The following TRIM22 variants were observed in gnomAD, a reference collection of about 807,000 sequenced individuals.
TRIM22 encodes the protein E3 ubiquitin-protein ligase TRIM22.
In TRIM22, 45 loss-of-function variants were observed where a neutral mutation model predicts 53.6. That is an observed-to-expected ratio of 0.84 (90% confidence interval 0.66 to 1.08). TRIM22 has a LOEUF of 1.08. Among genes scored for constraint, TRIM22 ranks in the 50% least tolerant of loss-of-function variants. TRIM22 has a pLI of 0.00. For missense variants in TRIM22, 616 were observed against 590.9 expected (o/e 1.04, Z -0.44); for synonymous variants, 225 against 216.6 (o/e 1.04, Z -0.34).
intron 2 of TRIM22, 172 bp from the exon 3 acceptor site, chr11:5,697,076 A>C (rs879459775): frequency 3.5e-6 from 2 of 571,970 alleles, no homozygotes; most frequent in African/African-American, 1.9e-5. Context: ...CCAGGAATAA[A>C]GAATACATTC....
At chr11:5,704,658 ATTTT>A (rs1198794249) in intron 4 of TRIM22, among the ~76,000 whole-genome samples, 1 of 151,906 alleles carries the variant, frequency 6.6e-6, no homozygotes, top group Non-Finnish European at 1.5e-5. Flanking sequence ...CTGTTTATTT[ATTTT>A]TTTCTCACAT....
chr11:5,706,278 T>G (rs1260748485), intron 4 of TRIM22, among the ~76,000 whole-genome samples: 1 of 152,194 alleles, frequency 6.6e-6, no homozygotes, highest in Non-Finnish European at 1.5e-5. Flanking sequence ...TTGTCCCCAG[T>G]CTGTGACCAT....
At chr11:5,693,169 G>A (rs1380273389) in intron 1 of TRIM22, among the ~76,000 whole-genome samples, 1 of 144,356 alleles carries the variant, frequency 6.9e-6, no homozygotes, top group African/African-American at 2.5e-5. Flanking sequence ...TTACAGGCTT[G>A]AGCCACAGCG....
intron 4 of TRIM22, 45 bp downstream of exon 4, chr11:5,698,590 A>C (rs1168042482): frequency 6.7e-7 from 1 of 1,491,916 alleles, no homozygotes; most frequent in Non-Finnish European, 9.2e-7. Context: ...TAGGGGAAAA[A>C]CACAGAGGCC....
At position 5,710,531 on chromosome 11, in the gene TRIM22, T is replaced by G. The variant is rs1046338116; in HGVS notation, c.*883T>G. 1.3e-5 allele frequency: 2 copies of G among 152,186 alleles called. No individual in the cohort carries two copies. Among genetic ancestry groups the G allele is most frequent in the African/African-American group, 4.8e-5 (2 of 41,446 alleles). 9.4% of individuals were successfully genotyped at this position (152,186 alleles called of 1,614,324 possible). On this transcript the variant is annotated 3_prime_UTR_variant, in exon 8 of 8. Coordinates refer to ENST00000379965, the MANE Select transcript of TRIM22 (RefSeq NM_006074.5). ...AGCAAGAAGTCCATAGTAATTTATT[T>G]GCTAATAGTGGATTTTTAATGCTCA...
At position 5,709,542 on chromosome 11, in the gene TRIM22, C is replaced by G; in HGVS notation, c.1391C>G (p.Ala464Gly). ...VSFFNVTNHG[A>G]LIYKFSGCRF... is the part of the protein sequence containing the mutation. ...TTTTTCAATGTCACAAACCACGGAG[C>G]ACTCATCTACAAGTTCTCTGGATGT... Residue 464 changes from alanine (A) to glycine (G), a missense_variant, in exon 8 of 8, where the codon GCA becomes GGA. By Grantham distance (60) the Ala-to-Gly change is moderately conservative (BLOSUM62 0). Transcript: ENST00000379965. The G allele has an allele frequency of 6.2e-7, 1 of 1,614,138 alleles. No individual in the cohort carries two copies. Among genetic ancestry groups the G allele is most frequent in the Admixed American group, 1.7e-5 (1 of 60,012 alleles).
intron 5 of TRIM22, 22 bp downstream of exon 5, chr11:5,706,638 G>A: frequency 1.3e-6 from 2 of 1,595,454 alleles, no homozygotes; most frequent in Non-Finnish European, 8.6e-7. Flanking sequence ...AGAGAGATGT[G>A]GTCTTATTTG....
At chr11:5,697,126 C>A in intron 2 of TRIM22, 122 bp from the exon 3 acceptor site, 1 of 688,736 alleles carries the variant, frequency 1.5e-6, no homozygotes. Context: ...GTTCTAATCA[C>A]CAGCCTCACT....
intron 1 of TRIM22, among the ~76,000 whole-genome samples, chr11:5,692,689 CA>C (rs1172779044): frequency 6.6e-6 from 1 of 151,274 alleles, no homozygotes; most frequent in Non-Finnish European, 1.5e-5. Flanking sequence ...TGGCTTGTGC[CA>C]AAGCCTAGCC....
intron 1 of TRIM22, among the ~76,000 whole-genome samples, chr11:5,691,427 T>C (rs961187512): frequency 6.6e-6 from 1 of 152,196 alleles, no homozygotes; most frequent in African/African-American, 2.4e-5. Context: ...CTGGAATCTA[T>C]AGATAACAAA....
intron 4 of TRIM22, among the ~76,000 whole-genome samples, chr11:5,699,486 T>TGCAGTCC (rs1254791265): frequency 9.4e-6 from 1 of 106,922 alleles, no homozygotes; most frequent in Non-Finnish European, 1.7e-5. Context: ...ATTGCGCCAC[T>TGCAGTCC]GCAGTCCGCA....
At chr11:5,692,128 A>C (rs1192694559) in intron 1 of TRIM22, among the ~76,000 whole-genome samples, 1 of 152,252 alleles carries the variant, frequency 6.6e-6, no homozygotes, top group Non-Finnish European at 1.5e-5. Context: ...AGTCAAAAAA[A>C]GGAAGTAAAC....
At chr11:5,702,718 G>C (rs1451535873) in intron 4 of TRIM22, among the ~76,000 whole-genome samples, 2 of 151,990 alleles carry the variant, frequency 1.3e-5, no homozygotes, top group Non-Finnish European at 2.9e-5. Context: ...TATTAGTTGA[G>C]AATCAGAAAA....
rs71053298 is a variant in TRIM22, at chr11:5,699,530, C to CAAAAA, written c.750+1020_750+1024dup. 4.2e-4 allele frequency among the ~76,000 whole-genome samples: 12 copies of CAAAAA among 28,544 alleles called. 3 individuals carry two copies. Among genetic ancestry groups the CAAAAA allele is most frequent in the East Asian group, 1.8e-3 (1 of 554 alleles). 18.7% of individuals were successfully genotyped at this position (28,544 alleles called of 152,430 possible). A position where few individuals can be genotyped will look rare whatever the true frequency, so the allele number is the denominator to read the frequency against. ...TGGGCGACAGAGCGAGACTCCGTCT[C>CAAAAA]AAAAAAAAAAAAAAAAAAAAAAAAA... On this transcript the variant is annotated intron_variant, in intron 4 of 7. Transcript: ENST00000379965.
At chr11:5,706,760 G>A (rs1263688519) in intron 5 of TRIM22, 144 bp downstream of exon 5, 1 of 847,482 alleles carries the variant, frequency 1.2e-6, no homozygotes, top group Non-Finnish European at 1.7e-6. Flanking sequence ...GCTAGTCACA[G>A]ATTAAAGTTT....
intron 4 of TRIM22, among the ~76,000 whole-genome samples, chr11:5,703,595 C>A (rs1313079806): frequency 1.3e-5 from 2 of 151,984 alleles, no homozygotes; most frequent in African/African-American, 4.8e-5. Context: ...CCTTGTTAGC[C>A]AGGACAGTCT....
At chr11:5,694,582 G>A (rs964478371) in intron 1 of TRIM22, among the ~76,000 whole-genome samples, 3 of 152,138 alleles carry the variant, frequency 2.0e-5, no homozygotes, top group African/African-American at 2.4e-5. Context: ...GGAGGACCTT[G>A]GGGACAATAC....
At position 5,693,721 on chromosome 11, in the gene TRIM22, C is replaced by CA. The variant is rs60530986; in HGVS notation, c.-66-2424dup. ...TGGGTGACAGAGTGAGACTCCGTCT[C>CA]AAAAAAAAAAAAAAAAAAAAAAGAA... On this transcript the variant is annotated intron_variant, in intron 1 of 7. Coordinates refer to ENST00000379965, the MANE Select transcript of TRIM22 (RefSeq NM_006074.5). Among the ~76,000 whole-genome samples, 408 of 87,382 alleles carry CA rather than the reference C, an allele frequency of 4.7e-3. 16 individuals are homozygous for CA. Among genetic ancestry groups the CA allele is most frequent in the African/African-American group, 0.016 (334 of 21,398 alleles). The allele number at this position is 87,382 out of a possible 152,430, so 57.3% of individuals were successfully genotyped here.
intron 4 of TRIM22, among the ~76,000 whole-genome samples, chr11:5,699,862 A>G (rs73404207): frequency 0.084 from 12,700 of 151,534 alleles, 960 homozygotes; most frequent in African/African-American, 0.2. Flanking sequence ...GTACCTTTTT[A>G]AAGAGTTTTT....
Sources: allele counts gnomAD v4.1 joint callset (sites outside exome capture counted in the v4.1 genomes callset), GRCh38; gene constraint gnomAD v4.1.1; transcripts MANE v1.5; gene names NCBI Gene and HGNC (gene_info 2026-07-23, HGNC 2026-07-21).